The following PFKFB1 variants were observed in gnomAD, a reference collection of about 807,000 sequenced individuals.
PFKFB1 encodes 6-phosphofructo-2-kinase/fructose-2,6-biphosphatase 1, also known as 6-phosphofructo-2-kinase/fructose-2,6-bisphosphatase 1.
PFKFB1 carries 34 observed loss-of-function variants against 46.4 expected under a neutral mutation model. That is an observed-to-expected ratio of 0.73 (90% confidence interval 0.56 to 0.98). The LOEUF (loss-of-function observed/expected upper bound fraction) is 0.98. Among genes scored for constraint, PFKFB1 ranks in the 50% least tolerant of loss-of-function variants. The pLI is 0.00. For synonymous variants in PFKFB1, 119 were observed against 133.8 expected (o/e 0.89, Z 0.76); for missense variants, 393 against 376.3 (o/e 1.04, Z -0.37).
intron 1 of PFKFB1, among the ~76,000 whole-genome samples, chrX:54,986,496 G>T (rs746092660): frequency 9.0e-6 from 1 of 111,506 alleles, no homozygotes; most frequent in Non-Finnish European, 1.9e-5. Context: ...TATATCACAA[G>T]TATAAACGTA....
chrX:54,961,602 T>TC (rs921751954), intron 2 of PFKFB1, among the ~76,000 whole-genome samples: 1 of 111,836 alleles, frequency 8.9e-6, no homozygotes, highest in African/African-American at 3.3e-5. Flanking sequence ...GCTCTGGGTC[T>TC]CAGGGATTAG....
At chrX:54,954,138 G>A (rs947536543) in intron 7 of PFKFB1, among the ~76,000 whole-genome samples, 2 of 110,689 alleles carry the variant, frequency 1.8e-5, no homozygotes, top group Non-Finnish European at 3.8e-5. Flanking sequence ...ACAGAATATG[G>A]GGAGGTCCTC....
upstream of PFKFB1, among the ~76,000 whole-genome samples, chrX:54,995,969 T>C: frequency 8.9e-6 from 1 of 112,564 alleles, no homozygotes; most frequent in South Asian, 3.7e-4. Flanking sequence ...TGCAAGATCA[T>C]TTCATCTCAC....
Position 54,956,195 on chromosome X carries a change from CA to C in PFKFB1, c.595del (p.Cys199AlafsTer31). 1 of 1,210,774 alleles carries C rather than the reference CA, an allele frequency of 8.3e-7. No homozygotes were observed. The highest frequency in any genetic ancestry group is 1.1e-6 in the Non-Finnish European group (1 of 894,582). Reference protein sequence around the residue: ...VLEDFLKRIECYEVNYQPLDE... With the variant: ...VLEDFLKRIEXYEVNYQPLDE... ...CAAGGGTTGGTAGTTGACCTCATAG[CA>C]CTCAATTCTCTTTAGAAAGTCTTCC... On this transcript the variant is annotated frameshift_variant, in exon 7 of 14. Coordinates refer to ENST00000375006, the MANE Select transcript of PFKFB1 (RefSeq NM_002625.4). LOFTEE classifies it high-confidence loss of function.
chrX:54,975,240 T>C (rs1450867046), intron 1 of PFKFB1, among the ~76,000 whole-genome samples: 1 of 111,416 alleles, frequency 9.0e-6, no homozygotes, highest in Non-Finnish European at 1.9e-5. Context: ...AAAGAAAATG[T>C]ATCCATTTTC....
upstream of PFKFB1, among the ~76,000 whole-genome samples, chrX:54,995,738 T>C (rs763656229): frequency 3.6e-5 from 4 of 112,532 alleles, no homozygotes; most frequent in Admixed American, 1.9e-4. Context: ...ATGTTAAAAA[T>C]ATATTATCTA....
intron 4 of PFKFB1, among the ~76,000 whole-genome samples, chrX:54,959,233 T>A (rs1934241837): frequency 9.0e-6 from 1 of 110,619 alleles, no homozygotes. Flanking sequence ...TTGACCAAAG[T>A]CACCGAGAGT....
chrX:54,945,352 G>T, intron 10 of PFKFB1, 87 bp downstream of exon 10: 1 of 508,622 alleles, frequency 2.0e-6, no homozygotes, highest in Non-Finnish European at 3.3e-6. Context: ...TGTTTCTAAA[G>T]CTGTCTAGAC....
At chrX:54,949,995 T>C (rs777190951) in intron 8 of PFKFB1, among the ~76,000 whole-genome samples, 58 of 111,872 alleles carry the variant, frequency 5.2e-4, no homozygotes, top group African/African-American at 1.7e-3. Flanking sequence ...TGGGGTGTTC[T>C]TGTTCTCAAG....
At chrX:54,953,185 G>A (rs1934039484) in intron 7 of PFKFB1, among the ~76,000 whole-genome samples, 1 of 111,688 alleles carries the variant, frequency 9.0e-6, no homozygotes, top group Non-Finnish European at 1.9e-5. Flanking sequence ...AAGAGGAGTG[G>A]AAGGCTGGGG....
intron 1 of PFKFB1, among the ~76,000 whole-genome samples, chrX:54,967,669 C>T (rs1361282831): frequency 7.2e-5 from 3 of 41,719 alleles, no homozygotes; most frequent in Non-Finnish European, 1.3e-4. Flanking sequence ...AGGACATCAA[C>T]AGACACTTCT....
chrX:54,943,311 G>A (rs1310204549), intron 10 of PFKFB1, among the ~76,000 whole-genome samples: 1 of 111,807 alleles, frequency 8.9e-6, no homozygotes, highest in African/African-American at 3.3e-5. Context: ...AAGACAGTGA[G>A]GGTAATACTT....
intron 10 of PFKFB1, among the ~76,000 whole-genome samples, chrX:54,939,811 T>G (rs934711402): frequency 7.2e-5 from 8 of 111,828 alleles, no homozygotes; most frequent in African/African-American, 2.0e-4. Flanking sequence ...TTCTACCAGA[T>G]GTACAAGGAG....
intron 1 of PFKFB1, among the ~76,000 whole-genome samples, chrX:54,986,923 G>A (rs887585708): frequency 9.0e-6 from 1 of 110,637 alleles, no homozygotes; most frequent in African/African-American, 3.3e-5. Flanking sequence ...GGAAACAGAA[G>A]AAGGATATAA....
At chrX:54,994,204 C>G (rs963203847), upstream of PFKFB1, 1 of 1,051,667 alleles carries the variant, frequency 9.5e-7, no homozygotes, top group African/African-American at 1.9e-5. Flanking sequence ...TAGCCTGCCT[C>G]TGCTCCTGTA....
intron 9 of PFKFB1, among the ~76,000 whole-genome samples, chrX:54,948,644 A>G (rs1443892041): frequency 2.7e-5 from 3 of 111,411 alleles, no homozygotes; most frequent in East Asian, 5.6e-4. Context: ...GGGTCTTCAC[A>G]TGAGTTATTT....
chrX:54,964,413 C>T lies in PFKFB1; in HGVS notation c.98-1031G>A, dbSNP rs147966466. Among the ~76,000 whole-genome samples, 37 of 111,171 alleles carry T rather than the reference C, an allele frequency of 3.3e-4. No homozygotes were observed. The East Asian group carries it at 9.6e-3, about 29-fold the overall frequency. On this transcript the variant is annotated intron_variant, in intron 1 of 13. Transcript: ENST00000375006. ...TATCTCCAGGGTGTAGCACAAAGGG[C>T]GAACAAAGCAAGGAATAAAAACAAT...
chrX:54,936,012 C>G (rs150334773), intron 11 of PFKFB1, among the ~76,000 whole-genome samples: 7 of 111,401 alleles, frequency 6.3e-5, no homozygotes, highest in Non-Finnish European at 1.3e-4. Flanking sequence ...GGCATCCATC[C>G]TGCTGCTCCT....
rs1428657021 is a variant in PFKFB1, at chrX:54,994,117, C to A, written c.-110G>T. On this transcript the variant is annotated 5_prime_UTR_variant, in exon 1 of 14. Coordinates refer to ENST00000375006, the MANE Select transcript of PFKFB1 (RefSeq NM_002625.4). The stretch of plus-strand genomic sequence containing the variant: ...TGGCCACAGCAGCAGGTGGACAGGG[C>A]TGGGACAGGGGGTGTACTGGGTTTC... 3.6e-6 allele frequency: 4 copies of A among 1,121,915 alleles called. No homozygotes were observed. The highest frequency in any genetic ancestry group is 3.5e-6 in the Non-Finnish European group (3 of 851,720). The allele number at this position is 1,121,915 out of a possible 1,213,427, so 92.5% of individuals were successfully genotyped here.
Sources: gnomAD v4.1 joint callset for allele counts (sites outside exome capture counted in the v4.1 genomes callset) on GRCh38, gnomAD v4.1.1 for gene constraint, MANE v1.5 for transcripts, NCBI Gene and HGNC (gene_info 2026-07-23, HGNC 2026-07-21) for gene names.